The following TRANK1 variants were observed in gnomAD, a reference collection of about 807,000 sequenced individuals.
TRANK1 encodes tetratricopeptide repeat and ankyrin repeat containing 1, also known as TPR and ankyrin repeat-containing protein 1.
In TRANK1, 198 loss-of-function variants were observed where a neutral mutation model predicts 266.0. The ratio of observed to expected loss-of-function variants is 0.74; its 90% confidence interval spans 0.66 to 0.84. The LOEUF (loss-of-function observed/expected upper bound fraction) is 0.84. Among genes scored for constraint, TRANK1 ranks in the 40% least tolerant of loss-of-function variants. The pLI is 0.00. For synonymous variants in TRANK1, 1,396 were observed against 1,384.1 expected (o/e 1.01, Z -0.19); for missense variants, 3,326 against 3,634.6 (o/e 0.92, Z 2.18).
Position 36,857,540 on chromosome 3 carries a change from G to A in TRANK1, c.2182C>T (p.Leu728=), listed in dbSNP as rs367790547. 9.9e-6 allele frequency: 16 copies of A among 1,613,948 alleles called. No individual in the cohort carries two copies. The highest frequency in any genetic ancestry group is 1.3e-5 in the Non-Finnish European group (15 of 1,179,908). Residue 728 remains leucine, a synonymous_variant, in exon 13 of 24, where the codon CTG becomes TTG. Coordinates refer to ENST00000645898, the MANE Select transcript of TRANK1 (RefSeq NM_001329998.2). The surrounding 1 kb of genome is among the most constrained non-coding windows in gnomAD (Gnocchi z 4.3). ...ATGTCCTGCATAAGGCAGTCTCTCAGCGAGCAGGGCCTGAGAGCTCCAGGC... is the reference window on the plus strand; with the variant it reads ...ATGTCCTGCATAAGGCAGTCTCTCAACGAGCAGGGCCTGAGAGCTCCAGGC... ...KEPGALRPCS[L]RDCLMQDITV...
chr3:36,890,373 A>G (rs2079670839), intron 7 of TRANK1, among the ~76,000 whole-genome samples: 1 of 152,222 alleles, frequency 6.6e-6, no homozygotes, highest in Admixed American at 6.5e-5. Context: ...GCCCTGCAGC[A>G]GGAATGCACC....
intron 18 of TRANK1, among the ~76,000 whole-genome samples, chr3:36,841,776 G>A (rs914804269): frequency 6.6e-6 from 1 of 152,156 alleles, no homozygotes; most frequent in Non-Finnish European, 1.5e-5. Flanking sequence ...GGCAACCAAT[G>A]AAAGGGAACA....
Position 36,831,101 on chromosome 3 carries a change from G to A in TRANK1, c.8482C>T (p.Gln2828Ter). 1 of 1,613,976 alleles carries A rather than the reference G, an allele frequency of 6.2e-7. No individual in the cohort carries two copies. Among genetic ancestry groups the A allele is most frequent in the Non-Finnish European group, 8.5e-7 (1 of 1,179,896 alleles). The change falls in exon 22 of 24, where the codon CAG becomes TAG. Residue 2828 changes from glutamine (Q) to a stop codon, truncating the protein, a stop_gained. Coordinates refer to ENST00000645898, the MANE Select transcript of TRANK1 (RefSeq NM_001329998.2). LOFTEE classifies it high-confidence loss of function. The surrounding 1 kb of genome is among the most constrained non-coding windows in gnomAD (Gnocchi z 5.0). ...YEQHIHLEHH[Q>*]RQQVAYQKYS... is the part of the protein sequence containing the mutation. ...TTCTGGTAGGCCACTTGCTGCCTCT[G>A]GTGGTGTTCTAGATGGATATGCTGC...
chr3:36,879,758 A>G (rs1327481386), intron 8 of TRANK1, among the ~76,000 whole-genome samples: 1 of 75,860 alleles, frequency 1.3e-5, no homozygotes, highest in Non-Finnish European at 2.4e-5. Flanking sequence ...ATAAATATAT[A>G]TAAATATATA....
intron 8 of TRANK1, among the ~76,000 whole-genome samples, chr3:36,888,066 A>T (rs1297783020): frequency 6.6e-6 from 1 of 152,236 alleles, no homozygotes; most frequent in Non-Finnish European, 1.5e-5. Flanking sequence ...AGCATTATTC[A>T]TAATAGCCAG....
intron 9 of TRANK1, among the ~76,000 whole-genome samples, chr3:36,870,915 A>G (rs1208870662): frequency 6.8e-6 from 1 of 147,628 alleles, no homozygotes; most frequent in African/African-American, 2.5e-5. Context: ...AAGACAAGGC[A>G]TTTTTAGGAT....
In TRANK1 at chr3:36,866,286, A is replaced by G. The variant is rs548572494; in HGVS notation, c.1079-1806T>C. ...CAGAGTAGCACTATCATGGTTGTGA[A>G]GAAATGAATGAATGTTCAATGTCAT... On this transcript the variant is annotated intron_variant, in intron 9 of 23. Transcript: ENST00000645898. 9.6e-4 allele frequency among the ~76,000 whole-genome samples: 146 copies of G among 152,374 alleles called. 2 individuals are homozygous for G. The highest frequency in any genetic ancestry group is 5.7e-3 in the Admixed American group (87 of 15,298).
At chr3:36,838,569 C>G in intron 19 of TRANK1, 44 bp downstream of exon 19, 2 of 1,613,888 alleles carry the variant, frequency 1.2e-6, no homozygotes, top group Non-Finnish European at 1.7e-6. Flanking sequence ...ATTTAACCTG[C>G]TACTCCCATC....
intron 21 of TRANK1, 112 bp from the exon 22 acceptor site, chr3:36,834,031 C>T: frequency 1.9e-6 from 2 of 1,069,762 alleles, no homozygotes; most frequent in Non-Finnish European, 2.6e-6. Flanking sequence ...GTAGATATTA[C>T]AAAATAAAAC....
intron 5 of TRANK1, 79 bp downstream of exon 5, chr3:36,895,561 C>T (rs932930883): frequency 2.7e-5 from 22 of 823,488 alleles, no homozygotes; most frequent in Non-Finnish European, 5.2e-6. Flanking sequence ...TAATAAATTA[C>T]AATCCCTCAA....
At position 36,833,281 on chromosome 3, in the gene TRANK1, A is replaced by C; in HGVS notation, c.6302T>G (p.Val2101Gly). The change falls in exon 22 of 24, where the codon GTG (valine) becomes GGG (glycine). Residue 2101 changes from valine (V) to glycine (G), a missense_variant. Transcript: ENST00000645898. ...LLSLVRALKR[V>G]TNNAEKEMVK... ...CATTTCCTTCTCAGCATTGTTGGTC[A>C]CTCTTTTGAGAGCCCTGACCAGACT... The C allele has an allele frequency of 6.2e-7, 1 of 1,613,876 alleles. No homozygotes were observed. Among genetic ancestry groups the C allele is most frequent in the Non-Finnish European group, 8.5e-7 (1 of 1,179,864 alleles).
intron 8 of TRANK1, among the ~76,000 whole-genome samples, chr3:36,875,050 G>A (rs980737351): frequency 2.7e-5 from 4 of 150,070 alleles, no homozygotes; most frequent in South Asian, 4.2e-4. Context: ...CCCACCCATC[G>A]AGAATCTCAC....
At chr3:36,945,705 C>T (rs1166118820), upstream of TRANK1, among the ~76,000 whole-genome samples, 2 of 152,174 alleles carry the variant, frequency 1.3e-5, no homozygotes, top group Non-Finnish European at 2.9e-5. Context: ...GCCTAGGGAG[C>T]CGGTTTGGTC....
rs977303669 is a variant in TRANK1 at position 36,842,798 on chromosome 3, C to T, written c.5192-88G>A. ...ATGGGCTGAGTTGCATCTCCTCCGC[C>T]AGCCATCAAATTCACTTGTTAAAGT... On this transcript the variant is annotated intron_variant, in intron 17 of 23. Transcript: ENST00000645898. 6 of 1,163,334 alleles carry T rather than the reference C, an allele frequency of 5.2e-6. No homozygotes were observed. The African/African-American group carries it at 6.1e-5, about 12-fold the overall frequency. The allele number at this position is 1,163,334 out of a possible 1,614,324, so 72.1% of individuals were successfully genotyped here. A position where few individuals can be genotyped will look rare whatever the true frequency, so the allele number is the denominator to read the frequency against.
At chr3:36,944,687 C>G (rs2080547569) in intron 1 of TRANK1, 100 bp downstream of exon 1, 1 of 1,401,814 alleles carries the variant, frequency 7.1e-7, no homozygotes, top group Admixed American at 2.2e-5. Context: ...CGGCCGCTAC[C>G]TCAGGGTCGC....
intron 22 of TRANK1, among the ~76,000 whole-genome samples, 189 bp from the exon 23 acceptor site, chr3:36,829,851 C>T (rs557529580): frequency 1.3e-5 from 2 of 152,322 alleles, no homozygotes; most frequent in South Asian, 4.1e-4. Context: ...CAACTAAAGG[C>T]TAGCCTGACA....
At chr3:36,914,883 C>A (rs1173744046) in intron 1 of TRANK1, among the ~76,000 whole-genome samples, 1 of 152,130 alleles carries the variant, frequency 6.6e-6, no homozygotes, top group Non-Finnish European at 1.5e-5. Flanking sequence ...GGTGATCCAC[C>A]TGCCTCAGCC....
intron 21 of TRANK1, among the ~76,000 whole-genome samples, chr3:36,834,236 G>C (rs2078737532): frequency 6.6e-6 from 1 of 152,204 alleles, no homozygotes; most frequent in African/African-American, 2.4e-5. Flanking sequence ...GTTATGCATA[G>C]TCTAAATTAT....
intron 22 of TRANK1, among the ~76,000 whole-genome samples, chr3:36,830,311 T>C (rs1298804270): frequency 1.3e-5 from 2 of 148,432 alleles, no homozygotes; most frequent in African/African-American, 5.0e-5. Context: ...TGAGACTCCA[T>C]CTCTATTTAA....
Sources: allele counts gnomAD v4.1 joint callset (sites outside exome capture counted in the v4.1 genomes callset), GRCh38; gene constraint gnomAD v4.1.1; non-coding constraint Gnocchi (gnomAD v3.1); transcripts MANE v1.5; gene names NCBI Gene and HGNC (gene_info 2026-07-23, HGNC 2026-07-21).